Variants in ZNF845 observed in about 807,000 individuals in gnomAD.
The protein encoded by ZNF845 is zinc finger protein 845.
ZNF845 carries 59 observed loss-of-function variants against 76.1 expected under a neutral mutation model. The observed-to-expected ratio is 0.78, with a 90% CI of 0.63 to 0.96. ZNF845 has a LOEUF of 0.96. Among genes scored for constraint, ZNF845 ranks in the 40% least tolerant of loss-of-function variants. ZNF845 has a pLI of 0.00. For synonymous variants in ZNF845, 361 were observed against 386.9 expected (o/e 0.93, Z 0.78); for missense variants, 1,045 against 1,172.8 (o/e 0.89, Z 1.59).
Position 53,352,809 on chromosome 19 carries a change from A to G in ZNF845, c.2134A>G (p.Ile712Val). ...TTCAGCCCTTATAATTCACAAGGCAATTCATACTGGAGAGAAACCTTACAA... is the reference window on the plus strand; with the variant it reads ...TTCAGCCCTTATAATTCACAAGGCAGTTCATACTGGAGAGAAACCTTACAA... ...RNSALIIHKA[I>V]HTGEKPYKCN... Residue 712 changes from isoleucine to valine, a missense_variant, in exon 4 of 4, where the codon ATT becomes GTT. Physicochemically the swap from Ile to Val is conservative, Grantham distance 29 (BLOSUM62 3). Coordinates refer to ENST00000458035, the MANE Select transcript of ZNF845 (RefSeq NM_138374.3). 6.2e-7 allele frequency: 1 copy of G among 1,613,892 alleles called. No homozygotes were observed. Among genetic ancestry groups the G allele is most frequent in the Non-Finnish European group, 8.5e-7 (1 of 1,179,966 alleles).
intron 1 of ZNF845, among the ~76,000 whole-genome samples, chr19:53,339,047 C>T (rs1412437631): frequency 6.6e-6 from 1 of 152,080 alleles, no homozygotes; most frequent in Non-Finnish European, 1.5e-5. Context: ...TTGCAGTGAG[C>T]CGAGATCGCG....
chr19:53,353,679 G>C lies in ZNF845; in HGVS notation c.*91G>C. On this transcript the variant is annotated 3_prime_UTR_variant, in exon 4 of 4. Coordinates refer to ENST00000458035, the MANE Select transcript of ZNF845 (RefSeq NM_138374.3). ...CTGGAGAGAAAGCTTACAAATGTAA[G>C]AGTTTGTGACAAGAATCTTGGGCGT... 1 of 1,519,958 alleles carries C rather than the reference G, an allele frequency of 6.6e-7. No individual in the cohort carries two copies. The highest frequency in any genetic ancestry group is 8.8e-7 in the Non-Finnish European group (1 of 1,137,480). 94.2% of individuals were successfully genotyped at this position (1,519,958 alleles called of 1,614,324 possible). A position where few individuals can be genotyped will look rare whatever the true frequency, so the allele number is the denominator to read the frequency against.
rs1051388483 is a variant in ZNF845 at position 53,341,358 on chromosome 19, T to C, written c.15+36T>C. The stretch of plus-strand genomic sequence containing the variant: ...ATGTTGGGTGGATTGTTCTGTCTCC[T>C]TCCTCTCAGAAATCCTGGGCCTTGG... On this transcript the variant is annotated intron_variant, in intron 2 of 3. Coordinates refer to ENST00000458035, the MANE Select transcript of ZNF845 (RefSeq NM_138374.3). 3.7e-6 allele frequency: 6 copies of C among 1,613,160 alleles called. No individual in the cohort carries two copies. In the African/African-American group the frequency reaches 6.7e-5, roughly 18 times the overall value.
At chr19:53,346,950 C>T (rs1472007440) in intron 3 of ZNF845, among the ~76,000 whole-genome samples, 1 of 152,144 alleles carries the variant, frequency 6.6e-6, no homozygotes, top group Non-Finnish European at 1.5e-5. Flanking sequence ...ATGGCACAAT[C>T]TCAGGTCACT....
At chr19:53,341,111 T>C in intron 1 of ZNF845, 124 bp from the exon 2 acceptor site, 1 of 932,058 alleles carries the variant, frequency 1.1e-6, no homozygotes. Flanking sequence ...TTATCGTCCC[T>C]GGTACAGTGG....
intron 2 of ZNF845, among the ~76,000 whole-genome samples, chr19:53,344,821 T>C (rs1186004172): frequency 6.6e-6 from 1 of 151,860 alleles, no homozygotes; most frequent in Non-Finnish European, 1.5e-5. Context: ...TCTTTTTTAG[T>C]AGAAACGGGA....
chr19:53,339,481 C>T (rs192721783), intron 1 of ZNF845, among the ~76,000 whole-genome samples: 1 of 152,142 alleles, frequency 6.6e-6, no homozygotes, highest in Non-Finnish European at 1.5e-5. Flanking sequence ...AGTCTTCCAC[C>T]TTCGTGTCCG....
intron 2 of ZNF845, among the ~76,000 whole-genome samples, chr19:53,342,788 C>G (rs180939052): frequency 7.9e-4 from 120 of 152,244 alleles, no homozygotes; most frequent in African/African-American, 2.6e-3. Context: ...CATCACTCTG[C>G]TATTAATCCC....
chr19:53,337,446 CCTT>C (rs2085223766), intron 1 of ZNF845, among the ~76,000 whole-genome samples: 1 of 148,928 alleles, frequency 6.7e-6, no homozygotes, highest in Non-Finnish European at 1.5e-5. Flanking sequence ...AGTCTGGTGA[CCTT>C]CTCTCCCTGC....
intron 1 of ZNF845, among the ~76,000 whole-genome samples, chr19:53,336,772 A>T (rs1275434332): frequency 4.6e-5 from 7 of 151,406 alleles, no homozygotes; most frequent in Non-Finnish European, 1.0e-4. Context: ...TTATTTTCCC[A>T]TTGACATCTG....
chr19:53,344,828 G>A (rs1004749866), intron 2 of ZNF845, among the ~76,000 whole-genome samples: 3 of 151,684 alleles, frequency 2.0e-5, no homozygotes, highest in African/African-American at 7.3e-5. Flanking sequence ...TAGTAGAAAC[G>A]GGATTTCTCC....
chr19:53,350,807 A>C lies in ZNF845; in HGVS notation c.143-11A>C, dbSNP rs776671431. On this transcript the variant is annotated splice_polypyrimidine_tract_variant and intron_variant, in intron 3 of 3. Coordinates refer to ENST00000458035, the MANE Select transcript of ZNF845 (RefSeq NM_138374.3). ...CTTAAGTGGAAACCTATTGGTGTTTATATTTTCTAGATATCTCTTCCAAAT... is the reference window on the plus strand; with the variant it reads ...CTTAAGTGGAAACCTATTGGTGTTTCTATTTTCTAGATATCTCTTCCAAAT... 85 of 1,611,574 alleles carry C rather than the reference A, an allele frequency of 5.3e-5. No individual in the cohort carries two copies. Among genetic ancestry groups the C allele is most frequent in the Non-Finnish European group, 6.6e-5 (78 of 1,179,082 alleles).
At chr19:53,344,604 A>ATTTGTTTTAT in intron 2 of ZNF845, among the ~76,000 whole-genome samples, 1 of 126,940 alleles carries the variant, frequency 7.9e-6, no homozygotes, top group East Asian at 2.3e-4. Context: ...ATTTTATTTT[A>ATTTGTTTTAT]TTTATTTTAT....
At chr19:53,336,485 G>A (rs910324189) in intron 1 of ZNF845, among the ~76,000 whole-genome samples, 1 of 152,062 alleles carries the variant, frequency 6.6e-6, no homozygotes, top group Non-Finnish European at 1.5e-5. Flanking sequence ...ACTGCAGCCT[G>A]GGGGGCAGAG....
At chr19:53,348,891 C>T (rs995655268) in intron 3 of ZNF845, among the ~76,000 whole-genome samples, 1 of 132,158 alleles carries the variant, frequency 7.6e-6, no homozygotes, top group Non-Finnish European at 1.5e-5. Context: ...GAGTCTCACC[C>T]TGTCACCCAG....
rs1254277744 is a variant in ZNF845, at chr19:53,352,675, A to T, written c.2000A>T (p.Glu667Val). ...HTGEKPYRCN[E>V]CGKTFSRKSY... is the part of the protein sequence containing the mutation. The stretch of plus-strand genomic sequence containing the variant: ...GGAGAGAAACCTTACAGGTGTAATG[A>T]ATGTGGCAAGACCTTTAGTCGGAAG... The change falls in exon 4 of 4, where the codon GAA becomes GTA. Residue 667 changes from glutamate to valine, a missense_variant. By Grantham distance (121) the Glu-to-Val change is moderately radical (BLOSUM62 -2). Coordinates refer to ENST00000458035, the MANE Select transcript of ZNF845 (RefSeq NM_138374.3). 6.2e-7 allele frequency: 1 copy of T among 1,613,928 alleles called. No homozygotes were observed. Among genetic ancestry groups the T allele is most frequent in the African/African-American group, 1.3e-5 (1 of 75,012 alleles).
chr19:53,352,802 C>G lies in ZNF845; in HGVS notation c.2127C>G (p.His709Gln). The part of the protein sequence containing the change: ...TFGRNSALII[H>Q]KAIHTGEKPY... Reference sequence around the variant, plus strand: ...GTCGAAATTCAGCCCTTATAATTCACAAGGCAATTCATACTGGAGAGAAAC... The same window carrying G: ...GTCGAAATTCAGCCCTTATAATTCAGAAGGCAATTCATACTGGAGAGAAAC... The change falls in exon 4 of 4, where the codon CAC becomes CAG. Residue 709 changes from histidine to glutamine, a missense_variant. Physicochemically the swap from His to Gln is conservative, Grantham distance 24 (BLOSUM62 0). Coordinates refer to ENST00000458035, the MANE Select transcript of ZNF845 (RefSeq NM_138374.3). 1 of 1,606,700 alleles carries G rather than the reference C, an allele frequency of 6.2e-7. No individual in the cohort carries two copies.
intron 1 of ZNF845, among the ~76,000 whole-genome samples, chr19:53,334,278 C>G (rs113061252): frequency 3.3e-5 from 5 of 152,292 alleles, no homozygotes; most frequent in African/African-American, 1.2e-4. Context: ...CTTGCCTGCC[C>G]TGCACCAGCC....
chr19:53,353,896 G>C lies in ZNF845; in HGVS notation c.*308G>C. 1 of 1,057,124 alleles carries C rather than the reference G, an allele frequency of 9.5e-7. No homozygotes were observed. Among genetic ancestry groups the C allele is most frequent in the East Asian group, 2.8e-5 (1 of 36,306 alleles). 65.5% of individuals were successfully genotyped at this position (1,057,124 alleles called of 1,614,324 possible). On this transcript the variant is annotated 3_prime_UTR_variant, in exon 4 of 4. Coordinates refer to ENST00000458035, the MANE Select transcript of ZNF845 (RefSeq NM_138374.3). The stretch of plus-strand genomic sequence containing the variant: ...ACACTACAACCGTTTCAAATCATTG[G>C]AGAATCCATAATGAGAGATTTTGAA...
Sources: gnomAD v4.1 joint callset for allele counts (sites outside exome capture counted in the v4.1 genomes callset) on GRCh38, gnomAD v4.1.1 for gene constraint, MANE v1.5 for transcripts, NCBI Gene and HGNC (gene_info 2026-07-23, HGNC 2026-07-21) for gene names.